Variants in LRRC7 observed in about 807,000 individuals in gnomAD.
The protein encoded by LRRC7 is leucine rich repeat containing 7.
A neutral mutation model predicts 175.7 loss-of-function variants in LRRC7; 23 were observed. The ratio of observed to expected loss-of-function variants is 0.13; its 90% CI spans 0.09 to 0.19. LRRC7 has a LOEUF of 0.19. Among genes scored for constraint, LRRC7 ranks in the 10% least tolerant of loss-of-function variants. LRRC7 has a pLI of 1.00. For missense variants in LRRC7, 1,354 were observed against 1,904.7 expected, an observed-to-expected ratio of 0.71 and a Z score of 5.38; for synonymous variants, 685 against 680.9, an observed-to-expected ratio of 1.01 and a Z score of -0.09.
At chr1:69,842,585 G>A (rs895716915) in intron 7 of LRRC7, among the ~76,000 whole-genome samples, 11 of 151,990 alleles carry the variant, frequency 7.2e-5, no homozygotes, top group Non-Finnish European at 1.0e-4. Context: ...GAATTACTGG[G>A]GTAATATCAG....
chr1:70,068,131 T>G (rs1033751336), intron 23 of LRRC7, among the ~76,000 whole-genome samples: 15 of 152,160 alleles, frequency 9.9e-5, no homozygotes, highest in Non-Finnish European at 1.2e-4. Context: ...TGACTACAAC[T>G]TTCAGCACTA....
At chr1:70,099,569 T>C (rs1664666860) in intron 25 of LRRC7, among the ~76,000 whole-genome samples, 2 of 152,310 alleles carry the variant, frequency 1.3e-5, no homozygotes, top group South Asian at 4.2e-4. Flanking sequence ...ATATCTTGAA[T>C]TTTTCACTTT....
At chr1:69,768,443 A>G (rs1228244514) in intron 3 of LRRC7, among the ~76,000 whole-genome samples, 1 of 152,100 alleles carries the variant, frequency 6.6e-6, no homozygotes, top group Non-Finnish European at 1.5e-5. Flanking sequence ...AACAACACCC[A>G]CTATCACCAC....
intron 7 of LRRC7, among the ~76,000 whole-genome samples, chr1:69,923,513 A>C (rs12097134): frequency 0.094 from 14,259 of 152,074 alleles, 1,499 homozygotes; most frequent in African/African-American, 0.26. Flanking sequence ...TGCCATTCTA[A>C]CTGGTGTGAG....
At chr1:69,902,559 A>T (rs1343676579) in intron 7 of LRRC7, among the ~76,000 whole-genome samples, 1 of 138,974 alleles carries the variant, frequency 7.2e-6, no homozygotes, top group Non-Finnish European at 1.6e-5. Context: ...ACAGAGCCAG[A>T]CCCTGTTTCA....
intron 8 of LRRC7, among the ~76,000 whole-genome samples, chr1:69,951,348 A>T (rs1261185059): frequency 1.3e-5 from 2 of 152,148 alleles, no homozygotes; most frequent in African/African-American, 4.8e-5. Flanking sequence ...TGATACTGTA[A>T]ATTAGTTCAA....
chr1:70,077,742 T>TA (rs1662890405), intron 24 of LRRC7, among the ~76,000 whole-genome samples: 1 of 152,200 alleles, frequency 6.6e-6, no homozygotes, highest in Admixed American at 6.5e-5. Flanking sequence ...AAAGTTTGGC[T>TA]AGTAAGAGGA....
Position 70,039,428 on chromosome 1 carries a change from C to A in LRRC7, c.3604C>A (p.Gln1202Lys). 6.2e-7 allele frequency: 1 copy of A among 1,614,140 alleles called. No individual in the cohort carries two copies. The change falls in exon 21 of 27, where the codon CAG (glutamine) becomes AAG (lysine). Residue 1202 changes from glutamine (Q) to lysine (K), a missense_variant. This residue lies in a region of LRRC7 where 1,032 missense variants were observed against 1,227.2 expected (regional missense o/e 0.84). Transcript: ENST00000651989. ...AAGCAGCGTTACAGTGACTGAGTCC[C>A]AGTTCCTGAAAAGGAATGGCAGGTA... ...RQSSVTVTES[Q>K]FLKRNGRYED...
intron 6 of LRRC7, 89 bp downstream of exon 6, chr1:69,834,958 A>T: frequency 2.1e-6 from 2 of 970,114 alleles, no homozygotes; most frequent in Non-Finnish European, 3.2e-6. Flanking sequence ...CAAAAGTGTC[A>T]GTTGTGATTA....
intron 7 of LRRC7, among the ~76,000 whole-genome samples, chr1:69,930,343 A>T (rs1433451703): frequency 6.6e-6 from 1 of 152,152 alleles, no homozygotes; most frequent in African/African-American, 2.4e-5. Context: ...GTAATATTTC[A>T]TTTAAGGTTC....
chr1:69,677,284 T>TA (rs1464352086), intron 1 of LRRC7, among the ~76,000 whole-genome samples: 1 of 148,904 alleles, frequency 6.7e-6, no homozygotes, highest in African/African-American at 2.5e-5. Context: ...ATCATACATA[T>TA]CATATATATC....
Position 69,951,720 on chromosome 1 carries a change from A to G in LRRC7, c.711+20150A>G, listed in dbSNP as rs188803536. 3.3e-5 allele frequency among the ~76,000 whole-genome samples: 5 copies of G among 152,148 alleles called. No homozygotes were observed. In the East Asian group the frequency reaches 9.7e-4, roughly 29 times the overall value. ...ACCAAATACCGCATGTTCTCACTTAAAAGTGGGAGCTAAATAATGAGAACT... is the reference window on the plus strand; with the variant it reads ...ACCAAATACCGCATGTTCTCACTTAGAAGTGGGAGCTAAATAATGAGAACT... On this transcript the variant is annotated intron_variant, in intron 8 of 26. Coordinates refer to ENST00000651989, the MANE Select transcript of LRRC7 (RefSeq NM_001370785.2).
intron 7 of LRRC7, among the ~76,000 whole-genome samples, chr1:69,856,282 T>C (rs12048784): frequency 6.6e-5 from 10 of 151,984 alleles, no homozygotes; most frequent in African/African-American, 1.5e-4. Context: ...CTGAAGGAGA[T>C]AGAAACACAA....
chr1:69,764,778 T>TAGATAGATAGAC lies in LRRC7; in HGVS notation c.303+4388_303+4389insTAGATAGACAGA, dbSNP rs1427408341. On this transcript the variant is annotated intron_variant, in intron 3 of 26. Coordinates refer to ENST00000651989, the MANE Select transcript of LRRC7 (RefSeq NM_001370785.2). Reference sequence around the variant, plus strand: ...ATAGATAGATAGATAGATAGATAGATAGACAGACAGACAGATAGATAACTG... The same window carrying TAGATAGATAGAC: ...ATAGATAGATAGATAGATAGATAGATAGATAGATAGACAGACAGACAGACAGATAGATAACTG... 4.0e-3 allele frequency among the ~76,000 whole-genome samples: 577 copies of TAGATAGATAGAC among 144,452 alleles called. 3 individuals carry two copies. Among genetic ancestry groups the TAGATAGATAGAC allele is most frequent in the African/African-American group, 0.013 (528 of 39,346 alleles). The allele number at this position is 144,452 out of a possible 152,430, so 94.8% of individuals were successfully genotyped here.
intron 1 of LRRC7, among the ~76,000 whole-genome samples, chr1:69,622,221 T>C (rs963390030): frequency 6.6e-6 from 1 of 152,218 alleles, no homozygotes; most frequent in African/African-American, 2.4e-5. Flanking sequence ...AATTTTAACA[T>C]CGTAAAGAAA....
At chr1:69,778,941 CATATATACACACACACAAACATAT>C (rs1557714935) in intron 3 of LRRC7, among the ~76,000 whole-genome samples, 1 of 143,194 alleles carries the variant, frequency 7.0e-6, no homozygotes, top group Non-Finnish European at 1.5e-5. Flanking sequence ...TATATATACA[CATATATACACACACACAAACATAT>C]ATATATATAT....
intron 25 of LRRC7, among the ~76,000 whole-genome samples, chr1:70,101,240 T>C (rs1337727373): frequency 1.3e-5 from 2 of 152,204 alleles, no homozygotes; most frequent in African/African-American, 2.4e-5. Context: ...TCCATAGTTA[T>C]ATGAAAGCAT....
chr1:69,576,907 T>C (rs1421499995), intron 1 of LRRC7, among the ~76,000 whole-genome samples: 2 of 152,216 alleles, frequency 1.3e-5, no homozygotes, highest in African/African-American at 4.8e-5. Context: ...CAGTCCAGGG[T>C]TTGAATTATT....
chr1:69,789,041 A>AT (rs1674816567), intron 3 of LRRC7, among the ~76,000 whole-genome samples: 1 of 152,120 alleles, frequency 6.6e-6, no homozygotes, highest in South Asian at 2.1e-4. Flanking sequence ...TGGAATATAC[A>AT]TTTTTTAGCT....
Sources: allele counts gnomAD v4.1 joint callset (sites outside exome capture counted in the v4.1 genomes callset), GRCh38; gene constraint gnomAD v4.1.1; regional missense constraint gnomAD v4.1.1; transcripts MANE v1.5; gene names NCBI Gene and HGNC (gene_info 2026-07-23, HGNC 2026-07-21).